The following SETD5 variants were observed in gnomAD, a reference collection of about 807,000 sequenced individuals.
SETD5 encodes the protein histone-lysine N-methyltransferase SETD5.
SETD5 carries 44 observed loss-of-function variants against 153.3 expected under a neutral mutation model. The ratio of observed to expected loss-of-function variants is 0.29; its 90% CI spans 0.23 to 0.37. SETD5 has a LOEUF of 0.37. Ranked by LOEUF, SETD5 falls within the 10% of genes least tolerant of loss-of-function variation. The pLI, the probability that SETD5 is intolerant of heterozygous loss-of-function variation, is 1.00. For synonymous variants in SETD5, 716 were observed against 645.2 expected (o/e 1.11, Z -1.66); for missense variants, 1,544 against 1,768.0 (o/e 0.87, Z 2.27).
intron 17 of SETD5, among the ~76,000 whole-genome samples, chr3:9,462,895 C>T (rs1291943973): frequency 6.6e-6 from 1 of 151,166 alleles, no homozygotes; most frequent in South Asian, 2.1e-4. Flanking sequence ...AAGCACATGG[C>T]ATAGTCTGTG....
At chr3:9,466,744 G>T (rs1269772390) in intron 18 of SETD5, among the ~76,000 whole-genome samples, 2 of 152,170 alleles carry the variant, frequency 1.3e-5, no homozygotes, top group Non-Finnish European at 2.9e-5. Flanking sequence ...ACCAGCTTAG[G>T]CTGGGCATGG....
chr3:9,447,534 A>G (rs1253001410), intron 14 of SETD5, among the ~76,000 whole-genome samples, 152 bp from the exon 15 acceptor site: 1 of 152,046 alleles, frequency 6.6e-6, no homozygotes, highest in African/African-American at 2.4e-5. Context: ...AAGTGTATAC[A>G]TTTTTGTATT....
At chr3:9,465,638 A>T (rs981105666) in intron 18 of SETD5, among the ~76,000 whole-genome samples, 57 of 152,222 alleles carry the variant, frequency 3.7e-4, no homozygotes, top group African/African-American at 1.3e-3. Flanking sequence ...TTTTATGAGT[A>T]ACTAAGAGGC....
At chr3:9,469,651 T>G (rs1313403361) in intron 18 of SETD5, among the ~76,000 whole-genome samples, 1 of 152,238 alleles carries the variant, frequency 6.6e-6, no homozygotes, top group Admixed American at 6.5e-5. Flanking sequence ...TGATATGGTA[T>G]GGTATCTGGT....
rs1225368988 is a variant in SETD5 at position 9,447,734 on chromosome 3, T to C, written c.1831T>C (p.Ser611Pro). 1 of 1,613,888 alleles carries C rather than the reference T, an allele frequency of 6.2e-7. No homozygotes were observed. The highest frequency in any genetic ancestry group is 8.5e-7 in the Non-Finnish European group (1 of 1,179,850). The change falls in exon 15 of 23, where the codon TCT becomes CCT. Residue 611 changes from serine to proline, a missense_variant. By Grantham distance (74) the Ser-to-Pro change is moderately conservative (BLOSUM62 -1). Around this residue, in one of 9 missense-constraint regions of SETD5, gnomAD observed 782 missense variants for 787.2 expected, o/e 0.99. Transcript: ENST00000402198. ...LVPKPPPAKP[S>P]RPRPKSRISR... ...CCCCAAGCCACCTCCAGCAAAGCCT[T>C]CTAGGCCCCGGCCGAAGAGTCGAAT...
intron 2 of SETD5, among the ~76,000 whole-genome samples, chr3:9,428,009 CTG>C (rs1484949981): frequency 6.6e-6 from 1 of 152,288 alleles, no homozygotes; most frequent in Admixed American, 6.5e-5. Flanking sequence ...TATCATGAAA[CTG>C]TACTCTTCGT....
intron 1 of SETD5, among the ~76,000 whole-genome samples, chr3:9,414,370 T>C (rs914181253): frequency 2.0e-5 from 3 of 152,122 alleles, no homozygotes; most frequent in African/African-American, 7.2e-5. Flanking sequence ...ATTGGTCGTG[T>C]GTGTTTTTTG....
chr3:9,437,523 G>A (rs1050813167), intron 7 of SETD5, among the ~76,000 whole-genome samples: 15 of 64,464 alleles, frequency 2.3e-4, no homozygotes, highest in Middle Eastern at 6.4e-3. Flanking sequence ...CCTCCTTTAC[G>A]TGTGTGTGTG....
intron 1 of SETD5, among the ~76,000 whole-genome samples, chr3:9,409,545 C>T (rs2125503582): frequency 6.6e-6 from 1 of 152,138 alleles, no homozygotes; most frequent in South Asian, 2.1e-4. Context: ...CACTTGTTTC[C>T]TTGCTTCCTA....
intron 19 of SETD5, among the ~76,000 whole-genome samples, chr3:9,471,180 A>C (rs978695944): frequency 6.6e-6 from 1 of 152,196 alleles, no homozygotes; most frequent in Non-Finnish European, 1.5e-5. Flanking sequence ...TGAAAAAGAA[A>C]TTTTACCTAT....
chr3:9,439,138 A>C (rs1256847155), intron 7 of SETD5, among the ~76,000 whole-genome samples: 3 of 152,214 alleles, frequency 2.0e-5, no homozygotes, highest in African/African-American at 7.2e-5. Context: ...TGTAAGCTCC[A>C]TTAAGCCTAA....
At chr3:9,423,098 T>C (rs2038653401) in intron 1 of SETD5, 1 of 152,266 alleles carries the variant, frequency 6.6e-6, no homozygotes, top group Non-Finnish European at 1.5e-5. Context: ...TTCTGAAATC[T>C]GTTGGAATTG....
chr3:9,399,070 G>T (rs2034288793), intron 1 of SETD5, among the ~76,000 whole-genome samples: 1 of 152,110 alleles, frequency 6.6e-6, no homozygotes, highest in African/African-American at 2.4e-5. Flanking sequence ...TTTCCTTCCT[G>T]CACATAGGTA....
At chr3:9,421,996 G>A (rs2038482005) in intron 1 of SETD5, among the ~76,000 whole-genome samples, 1 of 152,114 alleles carries the variant, frequency 6.6e-6, no homozygotes, top group Non-Finnish European at 1.5e-5. Flanking sequence ...GCTAGTTGAA[G>A]TTTAGAGAAG....
At chr3:9,412,201 TTTTG>T (rs1279668570) in intron 1 of SETD5, among the ~76,000 whole-genome samples, 3 of 152,048 alleles carry the variant, frequency 2.0e-5, no homozygotes, top group Non-Finnish European at 4.4e-5. Flanking sequence ...TGTTGTTGTT[TTTTG>T]TTTTTCTTTT....
chr3:9,464,343 A>G, intron 17 of SETD5, 82 bp from the exon 18 acceptor site: 1 of 1,526,888 alleles, frequency 6.5e-7, no homozygotes, highest in Non-Finnish European at 8.8e-7. Context: ...GAGCCATTGT[A>G]GATTACAGAT....
chr3:9,433,696 T>C, intron 3 of SETD5, 149 bp from the exon 4 acceptor site: 1 of 906,226 alleles, frequency 1.1e-6, no homozygotes, highest in Non-Finnish European at 1.6e-6. Context: ...GGCTTAGTTA[T>C]GTTAATAAGA....
In SETD5 at chr3:9,429,023, T is replaced by G; in HGVS notation, c.71+14T>G. 6.3e-7 allele frequency: 1 copy of G among 1,596,918 alleles called. No homozygotes were observed. Among genetic ancestry groups the G allele is most frequent in the South Asian group, 1.1e-5 (1 of 90,130 alleles). ...TGCTGGATCAGAGTAAGTGCTACTT[T>G]CTAGGTAGTAGGTACATTATCAGTC... is the stretch of plus-strand genomic sequence containing the variant. On this transcript the variant is annotated intron_variant, in intron 3 of 22. Transcript: ENST00000402198.
intron 2 of SETD5, among the ~76,000 whole-genome samples, chr3:9,424,881 CAG>C (rs1361591068): frequency 5.9e-5 from 9 of 151,954 alleles, no homozygotes; most frequent in South Asian, 4.2e-4. Flanking sequence ...GGATTATTAA[CAG>C]AATTTGAATT....
Sources: allele counts gnomAD v4.1 joint callset (sites outside exome capture counted in the v4.1 genomes callset), GRCh38; gene constraint gnomAD v4.1.1; regional missense constraint gnomAD v4.1.1; transcripts MANE v1.5; gene names NCBI Gene and HGNC (gene_info 2026-07-23, HGNC 2026-07-21).